The following PLCH1 variants were observed in gnomAD, a reference collection of about 807,000 sequenced individuals.
The protein encoded by PLCH1 is 1-phosphatidylinositol 4,5-bisphosphate phosphodiesterase eta-1.
PLCH1 carries 60 observed loss-of-function variants against 126.7 expected under a neutral mutation model. The observed-to-expected ratio is 0.47, with a 90% CI of 0.38 to 0.59. PLCH1 has a LOEUF of 0.59. Ranked by LOEUF, PLCH1 falls within the 20% of genes least tolerant of loss-of-function variation. The probability of loss-of-function intolerance (pLI) is 0.00; values close to 1 mark genes in which losing one functional copy is unlikely to be tolerated. For synonymous variants in PLCH1, 719 were observed against 734.9 expected, an observed-to-expected ratio of 0.98 and a Z score of 0.35; for missense variants, 1,723 against 2,040.0, an observed-to-expected ratio of 0.84 and a Z score of 2.99.
In PLCH1 at chr3:155,481,259, C is replaced by T; in HGVS notation, c.4767G>A (p.Gln1589=). Residue 1589 remains glutamine, a synonymous_variant, in exon 23 of 23, where the codon CAG becomes CAA. Transcript: ENST00000460012. This position sits in a 1 kb window ranked among gnomAD's most constrained non-coding sequence, Gnocchi z 4.2. ...RNIASRAKEK[Q]EANKQKVPNP... ...TTGGAACTTTCTGCTTGTTGGCTTC[C>T]TGTTTCTCCTTGGCACGACTAGCAA... 6.2e-7 allele frequency: 1 copy of T among 1,614,218 alleles called. No homozygotes were observed. The highest frequency in any genetic ancestry group is 8.5e-7 in the Non-Finnish European group (1 of 1,180,034).
intron 2 of PLCH1, among the ~76,000 whole-genome samples, chr3:155,690,094 T>C (rs565791251): frequency 3.8e-4 from 58 of 151,622 alleles, no homozygotes; most frequent in African/African-American, 1.2e-3. Flanking sequence ...CAATACGTCT[T>C]GCAGCAGACT....
At chr3:155,662,367 C>A (rs930231905) in intron 2 of PLCH1, among the ~76,000 whole-genome samples, 7 of 151,932 alleles carry the variant, frequency 4.6e-5, no homozygotes, top group Admixed American at 2.0e-4. Flanking sequence ...ACTTGGGTGG[C>A]TGAAGTAGGA....
chr3:155,537,356 CA>C (rs544010694), intron 10 of PLCH1, among the ~76,000 whole-genome samples: 4 of 150,494 alleles, frequency 2.7e-5, no homozygotes, highest in East Asian at 2.0e-4. Context: ...AGTATTCAGG[CA>C]AAAAAAACTA....
In PLCH1 at chr3:155,533,971, C is replaced by G. The variant is rs117758458; in HGVS notation, c.1363-9967G>C. Among the ~76,000 whole-genome samples the G allele has an allele frequency of 3.9e-5, 6 of 152,310 alleles. No individual in the cohort carries two copies. The East Asian group carries it at 1.2e-3, about 29-fold the overall frequency. On this transcript the variant is annotated intron_variant, in intron 10 of 22. Transcript: ENST00000460012. ...AGATTTCAAAGGATGTATGGAAACA[C>G]CTGGATGCCTAGGCAGAAGTATGCT...
intron 11 of PLCH1, among the ~76,000 whole-genome samples, chr3:155,523,113 T>C (rs1576902295): frequency 2.0e-5 from 3 of 152,154 alleles, no homozygotes; most frequent in African/African-American, 7.2e-5. Flanking sequence ...TAGCTAGGAC[T>C]ACAGGCGCCC....
chr3:155,466,135 C>G (rs1262928378), intron 21 of PLCH1, among the ~76,000 whole-genome samples: 2 of 152,172 alleles, frequency 1.3e-5, no homozygotes, highest in Non-Finnish European at 2.9e-5. Flanking sequence ...GGGCCTTCAG[C>G]AAACATAGGC....
chr3:155,587,526 C>T (rs1040165753), intron 4 of PLCH1, among the ~76,000 whole-genome samples: 1 of 152,226 alleles, frequency 6.6e-6, no homozygotes, highest in African/African-American at 2.4e-5. Context: ...CCACGCTTCT[C>T]TTCCTATTAC....
At chr3:155,552,504 A>G (rs1209904933) in intron 9 of PLCH1, among the ~76,000 whole-genome samples, 1 of 152,192 alleles carries the variant, frequency 6.6e-6, no homozygotes, top group Non-Finnish European at 1.5e-5. Context: ...CTTGTAGAAT[A>G]AGCAACAATT....
intron 21 of PLCH1, 45 bp downstream of exon 21, chr3:155,487,983 G>T: frequency 8.9e-7 from 1 of 1,124,760 alleles, no homozygotes; most frequent in Non-Finnish European, 1.4e-6. Context: ...CATTGTTAAG[G>T]ACCATATTAA....
At chr3:155,744,764 G>C (rs1455601783) in intron 1 of PLCH1, 76 bp downstream of exon 1, 1 of 152,798 alleles carries the variant, frequency 6.5e-6, no homozygotes, top group East Asian at 1.9e-4. Flanking sequence ...CTCGCTCATC[G>C]GACTGGCGTA....
intron 2 of PLCH1, among the ~76,000 whole-genome samples, chr3:155,635,015 G>C (rs181094536): frequency 6.6e-5 from 10 of 152,058 alleles, no homozygotes; most frequent in African/African-American, 2.2e-4. Context: ...CTGTAACTGG[G>C]CATGATAATG....
chr3:155,638,464 C>T (rs1358473002), intron 2 of PLCH1, among the ~76,000 whole-genome samples: 1 of 152,204 alleles, frequency 6.6e-6, no homozygotes, highest in Non-Finnish European at 1.5e-5. Flanking sequence ...TTAGACTCTG[C>T]TACATAGACT....
chr3:155,656,565 A>G (rs1490265465), intron 2 of PLCH1, among the ~76,000 whole-genome samples: 1 of 152,218 alleles, frequency 6.6e-6, no homozygotes. Context: ...TATCTTCAGA[A>G]ATACTAAAAG....
At chr3:155,483,455 C>T in intron 22 of PLCH1, 1 of 896,324 alleles carries the variant, frequency 1.1e-6, no homozygotes, top group Non-Finnish European at 1.7e-6. Flanking sequence ...AAGCAAGATA[C>T]TATAAGCTTT....
chr3:155,696,693 G>A (rs778302241), intron 2 of PLCH1, among the ~76,000 whole-genome samples: 3 of 152,058 alleles, frequency 2.0e-5, no homozygotes, highest in Non-Finnish European at 2.9e-5. Flanking sequence ...AAAAAATGAC[G>A]GTTTATTATA....
chr3:155,554,528 G>T (rs913739768), intron 8 of PLCH1, among the ~76,000 whole-genome samples: 4 of 147,590 alleles, frequency 2.7e-5, no homozygotes, highest in Non-Finnish European at 6.0e-5. Flanking sequence ...TTCTTGAAAG[G>T]TCATTTACCC....
chr3:155,734,559 T>G (rs1382596504), intron 1 of PLCH1, among the ~76,000 whole-genome samples: 2 of 152,132 alleles, frequency 1.3e-5, no homozygotes, highest in East Asian at 3.8e-4. Context: ...ATGAAATCAG[T>G]ATGTCAAAGA....
At chr3:155,491,964 G>T (rs1716281190) in intron 18 of PLCH1, among the ~76,000 whole-genome samples, 1 of 152,144 alleles carries the variant, frequency 6.6e-6, no homozygotes, top group Admixed American at 6.5e-5. Context: ...AACAATGAAG[G>T]AATAAAACCC....
At chr3:155,511,878 A>T (rs1234167597) in intron 12 of PLCH1, among the ~76,000 whole-genome samples, 2 of 152,000 alleles carry the variant, frequency 1.3e-5, no homozygotes, top group African/African-American at 4.8e-5. Context: ...GGTGGGCTCC[A>T]CCCAGTTCGA....
Sources: allele counts gnomAD v4.1 joint callset (sites outside exome capture counted in the v4.1 genomes callset), GRCh38; gene constraint gnomAD v4.1.1; non-coding constraint Gnocchi (gnomAD v3.1); transcripts MANE v1.5; gene names NCBI Gene and HGNC (gene_info 2026-07-23, HGNC 2026-07-21).